Variants in CCDC3 observed in about 807,000 individuals in gnomAD.
CCDC3 encodes coiled-coil domain-containing protein 3.
A neutral mutation model predicts 21.4 loss-of-function variants in CCDC3; 24 were observed. The observed-to-expected ratio is 1.12, with a 90% CI of 0.81 to 1.58. The LOEUF (loss-of-function observed/expected upper bound fraction) is 1.58, where lower values mean the gene tolerates loss of function less well. Ranked by LOEUF, CCDC3 falls within the 40% of genes most tolerant of loss-of-function variation. CCDC3 has a pLI of 0.00. For missense variants in CCDC3, 425 were observed against 360.9 expected (o/e 1.18, Z -1.44); for synonymous variants, 186 against 166.0 (o/e 1.12, Z -0.93).
In CCDC3 at chr10:13,061,608, A is replaced by C. The variant is rs528061811; in HGVS notation, c.-269-11667T>G. ...CTAGGGAGGCATGAGACATCAATCA[A>C]ATACATTTGAGAAATACACTGGTTT... On this transcript the variant is annotated intron_variant, in intron 4 of 6. Coordinates refer to the CCDC3 transcript ENST00000378839. Among the ~76,000 whole-genome samples, 3 of 152,334 alleles carry C rather than the reference A, an allele frequency of 2.0e-5. No homozygotes were observed. In the South Asian group the frequency reaches 6.2e-4, roughly 32 times the overall value.
At chr10:12,908,329 C>G (rs980225222) in intron 2 of CCDC3, among the ~76,000 whole-genome samples, 4 of 152,322 alleles carry the variant, frequency 2.6e-5, no homozygotes, top group Admixed American at 2.0e-4. Context: ...TTAAACCTCT[C>G]TAACTTTGTT....
chr10:13,080,860 G>A (rs932267003), intron 3 of CCDC3, among the ~76,000 whole-genome samples: 1 of 152,258 alleles, frequency 6.6e-6, no homozygotes, highest in African/African-American at 2.4e-5. Context: ...GTGGGGGCTT[G>A]GGCAGGAGCA....
intron 2 of CCDC3, among the ~76,000 whole-genome samples, chr10:12,948,467 GCACACACACACA>G (rs35847630): frequency 4.7e-5 from 7 of 148,368 alleles, no homozygotes; most frequent in African/African-American, 1.2e-4. Context: ...GCAGACAATT[GCACACACACACA>G]CACACACACA....
intron 2 of CCDC3, among the ~76,000 whole-genome samples, chr10:12,936,094 A>G (rs1834733294): frequency 6.6e-6 from 1 of 152,032 alleles, no homozygotes; most frequent in South Asian, 2.1e-4. Flanking sequence ...CAAGTTTCTG[A>G]CCTATATCAA....
chr10:13,069,482 T>G (rs1425801402), intron 4 of CCDC3, among the ~76,000 whole-genome samples: 1 of 152,204 alleles, frequency 6.6e-6, no homozygotes, highest in African/African-American at 2.4e-5. Context: ...AATAAATAAT[T>G]TATGGCAATC....
At chr10:12,967,403 A>C (rs1835277271) in intron 2 of CCDC3, among the ~76,000 whole-genome samples, 1 of 152,256 alleles carries the variant, frequency 6.6e-6, no homozygotes, top group Non-Finnish European at 1.5e-5. Flanking sequence ...AATGAACCTC[A>C]AAAAATCAGA....
intron 2 of CCDC3, among the ~76,000 whole-genome samples, chr10:12,930,140 G>A (rs1212144195): frequency 6.6e-6 from 1 of 152,152 alleles, no homozygotes; most frequent in Non-Finnish European, 1.5e-5. Context: ...CCAGCTCATG[G>A]TCTAGGCACA....
At chr10:13,041,503 AATTTTTTTTTTTTTTT>A (rs1836453773) in intron 5 of CCDC3, among the ~76,000 whole-genome samples, 5 of 84,126 alleles carry the variant, frequency 5.9e-5, no homozygotes, top group Admixed American at 1.5e-4. Flanking sequence ...TCTGGCAGAT[AATTTTTTTTTTTTTTT>A]TTTTTTTTTT....
At chr10:12,899,079 A>G (rs187582222) in intron 2 of CCDC3, among the ~76,000 whole-genome samples, 68 of 152,292 alleles carry the variant, frequency 4.5e-4, no homozygotes, top group Admixed American at 1.4e-3. Context: ...AGGCTGAGCC[A>G]CTTACATTCG....
At chr10:13,042,993 A>G (rs1588402669) in intron 5 of CCDC3, among the ~76,000 whole-genome samples, 1 of 152,102 alleles carries the variant, frequency 6.6e-6, no homozygotes, top group Non-Finnish European at 1.5e-5. Flanking sequence ...ATGTTCCTTC[A>G]TAAGTTTACA....
At chr10:13,080,782 C>T (rs969332870) in intron 3 of CCDC3, among the ~76,000 whole-genome samples, 11 of 152,266 alleles carry the variant, frequency 7.2e-5, no homozygotes, top group Non-Finnish European at 1.3e-4. Context: ...ACAGACACTT[C>T]CTGTGTCAGG....
chr10:12,938,998 T>C (rs1395617776), intron 2 of CCDC3, among the ~76,000 whole-genome samples: 1 of 152,160 alleles, frequency 6.6e-6, no homozygotes, highest in African/African-American at 2.4e-5. Context: ...AGCTCCACTA[T>C]CTTCTCTCCT....
At chr10:12,935,720 C>T (rs185101023) in intron 2 of CCDC3, among the ~76,000 whole-genome samples, 1 of 150,234 alleles carries the variant, frequency 6.7e-6, no homozygotes, top group East Asian at 2.0e-4. Flanking sequence ...GGCTGGAGTG[C>T]AGTGGCGTGA....
At chr10:12,945,003 T>TCTAATAAGGATAGAGATAC (rs1160474051) in intron 2 of CCDC3, among the ~76,000 whole-genome samples, 1 of 152,182 alleles carries the variant, frequency 6.6e-6, no homozygotes, top group Admixed American at 6.5e-5. Flanking sequence ...AGCCAAAAAT[T>TCTAATAAGGATAGAGATAC]CTAATAAGGA....
At chr10:13,022,827 A>C (rs1413144518) in intron 5 of CCDC3, among the ~76,000 whole-genome samples, 3 of 152,248 alleles carry the variant, frequency 2.0e-5, no homozygotes, top group Admixed American at 2.0e-4. Context: ...GTCTACTGTG[A>C]AAGAAATTAT....
intron 5 of CCDC3, among the ~76,000 whole-genome samples, chr10:13,029,910 A>C (rs994560616): frequency 6.6e-6 from 1 of 152,204 alleles, no homozygotes; most frequent in Admixed American, 6.5e-5. Context: ...AAGTTGGAAA[A>C]CACTCTGCAG....
chr10:12,957,302 G>A (rs190627879), intron 2 of CCDC3, among the ~76,000 whole-genome samples: 46 of 152,260 alleles, frequency 3.0e-4, no homozygotes, highest in Admixed American at 1.2e-3. Context: ...GTTCGGGGCC[G>A]AGCTTAGCTC....
intron 2 of CCDC3, among the ~76,000 whole-genome samples, chr10:12,944,342 C>A (rs1397228680): frequency 6.6e-6 from 1 of 152,166 alleles, no homozygotes; most frequent in East Asian, 1.9e-4. Context: ...CTTCCACAAC[C>A]CCCTTCTCTA....
intron 5 of CCDC3, among the ~76,000 whole-genome samples, chr10:13,021,224 T>G (rs1013562429): frequency 3.9e-5 from 6 of 152,240 alleles, no homozygotes; most frequent in African/African-American, 1.4e-4. Flanking sequence ...AAAGAAGATA[T>G]ACTTCTGGGG....
Sources: allele counts gnomAD v4.1 joint callset (sites outside exome capture counted in the v4.1 genomes callset), GRCh38; gene constraint gnomAD v4.1.1; transcripts MANE v1.5; gene names NCBI Gene and HGNC (gene_info 2026-07-23, HGNC 2026-07-21).